Variants in GRID2 observed in about 807,000 individuals in gnomAD.
GRID2 encodes glutamate ionotropic receptor delta type subunit 2, also known as glutamate receptor ionotropic, delta-2.
A neutral mutation model predicts 114.8 loss-of-function variants in GRID2; 33 were observed. That is an observed-to-expected ratio of 0.29 (90% CI 0.22 to 0.38). The LOEUF is 0.38. Among genes scored for constraint, GRID2 ranks in the 10% least tolerant of loss-of-function variants. The probability of loss-of-function intolerance (pLI) is 1.00; values close to 1 mark genes in which losing one functional copy is unlikely to be tolerated. For missense variants in GRID2, 1,184 were observed against 1,257.7 expected (o/e 0.94, Z 0.89); for synonymous variants, 505 against 449.9 (o/e 1.12, Z -1.55).
At chr4:93,668,108 A>G (rs577288674) in intron 14 of GRID2, among the ~76,000 whole-genome samples, 1 of 152,178 alleles carries the variant, frequency 6.6e-6, no homozygotes, top group South Asian at 2.1e-4. Flanking sequence ...TATGGCCAAC[A>G]ATAGCTTAGT....
chr4:92,780,959 A>G (rs1449196837), intron 2 of GRID2, among the ~76,000 whole-genome samples: 1 of 152,092 alleles, frequency 6.6e-6, no homozygotes, highest in Non-Finnish European at 1.5e-5. Context: ...ATTTTTGCTT[A>G]AACAACAGGT....
chr4:93,163,172 G>A (rs930367592), intron 4 of GRID2, among the ~76,000 whole-genome samples: 3 of 151,140 alleles, frequency 2.0e-5, no homozygotes, highest in African/African-American at 7.3e-5. Context: ...TTTCTGTCAA[G>A]ATGTGTTATT....
intron 13 of GRID2, among the ~76,000 whole-genome samples, chr4:93,591,623 A>G (rs955471999): frequency 1.3e-5 from 2 of 151,826 alleles, no homozygotes; most frequent in African/African-American, 4.8e-5. Context: ...ATAGTTTCAG[A>G]AGGAATGGTA....
chr4:93,715,564 C>G (rs559681210), intron 14 of GRID2, among the ~76,000 whole-genome samples: 2 of 152,160 alleles, frequency 1.3e-5, no homozygotes, highest in Non-Finnish European at 2.9e-5. Flanking sequence ...TATCCATAAG[C>G]ATGGAATGTT....
At chr4:92,846,708 G>A (rs867535683) in intron 2 of GRID2, among the ~76,000 whole-genome samples, 3 of 152,036 alleles carry the variant, frequency 2.0e-5, no homozygotes, top group Non-Finnish European at 2.9e-5. Context: ...ATGAAGTGAC[G>A]TGAATTCTTT....
chr4:93,721,518 C>A (rs2110195302), intron 14 of GRID2, among the ~76,000 whole-genome samples: 1 of 152,184 alleles, frequency 6.6e-6, no homozygotes, highest in East Asian at 1.9e-4. Context: ...TAATTCAAAT[C>A]CCAACTCCAC....
chr4:92,711,340 T>G (rs1735237883), intron 2 of GRID2, among the ~76,000 whole-genome samples: 1 of 152,176 alleles, frequency 6.6e-6, no homozygotes, highest in Non-Finnish European at 1.5e-5. Context: ...AATCAACATC[T>G]CATCTCACTG....
intron 2 of GRID2, among the ~76,000 whole-genome samples, chr4:93,048,500 C>A (rs577459236): frequency 6.6e-5 from 10 of 152,086 alleles, no homozygotes; most frequent in African/African-American, 2.4e-4. Flanking sequence ...AAATCACTGA[C>A]TTCTGAAAAT....
intron 13 of GRID2, among the ~76,000 whole-genome samples, chr4:93,517,770 C>G (rs1282142976): frequency 6.6e-6 from 1 of 151,544 alleles, no homozygotes; most frequent in Admixed American, 6.6e-5. Flanking sequence ...CACACAGCAG[C>G]TTTTTATTCT....
At chr4:93,590,180 G>A (rs993509166) in intron 13 of GRID2, among the ~76,000 whole-genome samples, 2 of 150,838 alleles carry the variant, frequency 1.3e-5, no homozygotes, top group Admixed American at 1.3e-4. Flanking sequence ...GGTTTTTATG[G>A]TTTTAGGTCT....
chr4:92,510,542 A>G (rs934787203), intron 1 of GRID2, among the ~76,000 whole-genome samples: 4 of 151,836 alleles, frequency 2.6e-5, no homozygotes, highest in Non-Finnish European at 5.9e-5. Flanking sequence ...ACTCTAGGGA[A>G]GTTCAAAGTT....
intron 2 of GRID2, among the ~76,000 whole-genome samples, chr4:92,996,464 A>G (rs2149211082): frequency 6.6e-6 from 1 of 152,282 alleles, no homozygotes; most frequent in Non-Finnish European, 1.5e-5. Context: ...AAACAGTAAC[A>G]CAGAAGACAT....
chr4:93,336,254 T>A (rs1759077123), intron 8 of GRID2, among the ~76,000 whole-genome samples: 2 of 152,218 alleles, frequency 1.3e-5, no homozygotes, highest in Non-Finnish European at 2.9e-5. Context: ...CCCAAATTTA[T>A]ACCATTATTA....
chr4:92,851,057 A>G (rs1357789615), intron 2 of GRID2, among the ~76,000 whole-genome samples: 1 of 151,940 alleles, frequency 6.6e-6, no homozygotes, highest in African/African-American at 2.4e-5. Flanking sequence ...AATTAGTATT[A>G]CTGAAATATT....
At chr4:92,649,153 T>TA in intron 2 of GRID2, among the ~76,000 whole-genome samples, 1 of 88,528 alleles carries the variant, frequency 1.1e-5, no homozygotes, top group Non-Finnish European at 2.3e-5. Context: ...TAACTATATA[T>TA]GTATATAGTT....
At chr4:92,316,780 T>G (rs1726006419) in intron 1 of GRID2, among the ~76,000 whole-genome samples, 1 of 152,122 alleles carries the variant, frequency 6.6e-6, no homozygotes, top group Non-Finnish European at 1.5e-5. Context: ...AAAACATATA[T>G]TTCAGAAAAA....
intron 1 of GRID2, among the ~76,000 whole-genome samples, chr4:92,474,244 C>T (rs562627295): frequency 3.3e-5 from 5 of 151,940 alleles, no homozygotes; most frequent in East Asian, 1.9e-4. Flanking sequence ...TTTTAGATTG[C>T]GCGTATAAGT....
intron 9 of GRID2, among the ~76,000 whole-genome samples, chr4:93,400,161 G>T (rs1232346100): frequency 6.6e-6 from 1 of 152,018 alleles, no homozygotes; most frequent in African/African-American, 2.4e-5. Context: ...AATCAGAATG[G>T]ACTCATGTTA....
intron 8 of GRID2, among the ~76,000 whole-genome samples, chr4:93,313,525 T>C (rs1756249894): frequency 6.6e-6 from 1 of 152,186 alleles, no homozygotes; most frequent in Admixed American, 6.5e-5. Context: ...TCTAAGTCTC[T>C]CTTACTATGT....
Sources: allele counts gnomAD v4.1 joint callset (sites outside exome capture counted in the v4.1 genomes callset), GRCh38; gene constraint gnomAD v4.1.1; transcripts MANE v1.5; gene names NCBI Gene and HGNC (gene_info 2026-07-23, HGNC 2026-07-21).